XRCC4: variants seen among roughly 807,000 people sequenced by gnomAD.
The protein encoded by XRCC4 is X-ray repair cross complementing 4.
In XRCC4, 28 loss-of-function variants were observed where a neutral mutation model predicts 39.1. That is an observed-to-expected ratio of 0.72 (90% CI 0.53 to 0.98). The LOEUF is 0.98. Among genes scored for constraint, XRCC4 ranks in the 50% least tolerant of loss-of-function variants. XRCC4 has a pLI of 0.00. For synonymous variants in XRCC4, 123 were observed against 126.4 expected (o/e 0.97, Z 0.18); for missense variants, 350 against 376.4 (o/e 0.93, Z 0.58).
At chr5:83,158,735 G>A (rs1038370028) in intron 3 of XRCC4, among the ~76,000 whole-genome samples, 7 of 151,906 alleles carry the variant, frequency 4.6e-5, no homozygotes, top group Admixed American at 4.6e-4. Context: ...AAGGAATGTT[G>A]CCCAGTTTTA....
the XRCC4 span, among the ~76,000 whole-genome samples, chr5:83,372,926 T>C: frequency 6.6e-6 from 1 of 152,354 alleles, no homozygotes; most frequent in Middle Eastern, 3.4e-3. Context: ...ATTCACTTTT[T>C]GTTTCTGCAG....
the XRCC4 span, among the ~76,000 whole-genome samples, chr5:83,371,367 T>C: frequency 6.6e-6 from 1 of 152,208 alleles, no homozygotes; most frequent in Non-Finnish European, 1.5e-5. Context: ...GACTGTCAGT[T>C]TATAAAGACA....
intron 6 of XRCC4, among the ~76,000 whole-genome samples, chr5:83,250,776 T>A (rs945227563): frequency 6.6e-5 from 10 of 152,188 alleles, no homozygotes; most frequent in African/African-American, 2.4e-4. Context: ...CACCTGATTG[T>A]AAGGATTATG....
intron 6 of XRCC4, among the ~76,000 whole-genome samples, chr5:83,239,417 A>C (rs1293259726): frequency 6.6e-6 from 1 of 152,254 alleles, no homozygotes; most frequent in East Asian, 1.9e-4. Flanking sequence ...TCTGTGATTT[A>C]CAGAGAAGAT....
intron 7 of XRCC4, among the ~76,000 whole-genome samples, chr5:83,282,821 G>A (rs113405396): frequency 0.058 from 8,828 of 151,982 alleles, 367 homozygotes; most frequent in South Asian, 0.15. Flanking sequence ...CAGCCTGGGC[G>A]ACAGAGCAAG....
At chr5:83,348,077 C>G (rs966316421) in intron 7 of XRCC4, among the ~76,000 whole-genome samples, 2 of 152,154 alleles carry the variant, frequency 1.3e-5, no homozygotes, top group African/African-American at 2.4e-5. Context: ...AAACTCTGCC[C>G]CTGTGGCTCT....
At chr5:83,135,049 G>T (rs1747822371) in intron 3 of XRCC4, among the ~76,000 whole-genome samples, 1 of 152,176 alleles carries the variant, frequency 6.6e-6, no homozygotes, top group Non-Finnish European at 1.5e-5. Flanking sequence ...AGGGTCCGCA[G>T]CTTCATTCTT....
At chr5:83,100,604 G>A (rs1745884068) in intron 1 of XRCC4, among the ~76,000 whole-genome samples, 1 of 151,996 alleles carries the variant, frequency 6.6e-6, no homozygotes, top group Admixed American at 6.6e-5. Flanking sequence ...CTTAAGGTAA[G>A]TTTAAGACAA....
chr5:83,091,049 A>G (rs974997020), intron 1 of XRCC4, among the ~76,000 whole-genome samples: 2 of 152,210 alleles, frequency 1.3e-5, no homozygotes, highest in African/African-American at 2.4e-5. Context: ...ACAGTACTCA[A>G]TTGTTAGCTA....
chr5:83,116,496 CT>C (rs1338759255), intron 3 of XRCC4, among the ~76,000 whole-genome samples: 1 of 150,570 alleles, frequency 6.6e-6, no homozygotes, highest in East Asian at 2.0e-4. Flanking sequence ...AACAAACTTT[CT>C]TTTTTTCTTA....
chr5:83,346,080 G>C (rs1474240962), intron 7 of XRCC4, among the ~76,000 whole-genome samples: 4 of 152,070 alleles, frequency 2.6e-5, no homozygotes, highest in Admixed American at 2.6e-4. Flanking sequence ...ATCTGGAGAA[G>C]TTTCATTATA....
chr5:83,159,519 G>A (rs1749107968), intron 3 of XRCC4, among the ~76,000 whole-genome samples: 1 of 152,112 alleles, frequency 6.6e-6, no homozygotes, highest in Admixed American at 6.6e-5. Flanking sequence ...TATGACCAAG[G>A]TATGTGTATA....
chr5:83,140,288 G>A (rs1237412316), intron 3 of XRCC4, among the ~76,000 whole-genome samples: 3 of 152,178 alleles, frequency 2.0e-5, no homozygotes, highest in Non-Finnish European at 4.4e-5. Flanking sequence ...TGTGGCCAAA[G>A]GCCAGAGATC....
chr5:83,325,556 T>G (rs1280423081), intron 7 of XRCC4, among the ~76,000 whole-genome samples: 1 of 152,070 alleles, frequency 6.6e-6, no homozygotes, highest in Non-Finnish European at 1.5e-5. Flanking sequence ...TGATAACATG[T>G]TATGTTTGGT....
At chr5:83,284,064 A>AAAAC (rs1561454227) in intron 7 of XRCC4, among the ~76,000 whole-genome samples, 2 of 150,002 alleles carry the variant, frequency 1.3e-5, no homozygotes, top group African/African-American at 4.9e-5. Context: ...AAAAAAAAAA[A>AAAAC]AAAAAAAAAA....
At chr5:83,269,016 T>C (rs1244406506) in intron 7 of XRCC4, among the ~76,000 whole-genome samples, 1 of 152,220 alleles carries the variant, frequency 6.6e-6, no homozygotes, top group African/African-American at 2.4e-5. Flanking sequence ...GAGAGCATTT[T>C]ATCTGTTCTC....
At chr5:83,154,083 A>G (rs1748843701) in intron 3 of XRCC4, among the ~76,000 whole-genome samples, 1 of 152,226 alleles carries the variant, frequency 6.6e-6, no homozygotes, top group Admixed American at 6.5e-5. Context: ...CACCAAGGCC[A>G]TCATTCTAAT....
At chr5:83,239,644 A>G (rs1752825712) in intron 6 of XRCC4, among the ~76,000 whole-genome samples, 1 of 150,768 alleles carries the variant, frequency 6.6e-6, no homozygotes, top group African/African-American at 2.5e-5. Flanking sequence ...CCTGGCTAAC[A>G]CGGTGAAACC....
At chr5:83,113,279 C>T (rs1470395888) in intron 3 of XRCC4, among the ~76,000 whole-genome samples, 12 of 152,216 alleles carry the variant, frequency 7.9e-5, no homozygotes, top group Non-Finnish European at 2.9e-5. Context: ...CTCCATATCT[C>T]ACATCCAGGT....
Sources: gnomAD v4.1 joint callset for allele counts (sites outside exome capture counted in the v4.1 genomes callset) on GRCh38, gnomAD v4.1.1 for gene constraint, MANE v1.5 for transcripts, NCBI Gene and HGNC (gene_info 2026-07-23, HGNC 2026-07-21) for gene names.